Variants in CPQ observed in about 807,000 individuals in gnomAD.
CPQ encodes the protein carboxypeptidase Q.
CPQ carries 37 observed loss-of-function variants against 45.7 expected under a neutral mutation model. That is an observed-to-expected ratio of 0.81 (90% CI 0.62 to 1.07). The LOEUF is 1.07. Among genes scored for constraint, CPQ ranks in the 50% least tolerant of loss-of-function variants. The pLI, the probability that CPQ is intolerant of heterozygous loss-of-function variation, is 0.00. For synonymous variants in CPQ, 186 were observed against 205.8 expected (o/e 0.90, Z 0.82); for missense variants, 537 against 572.9 (o/e 0.94, Z 0.64).
chr8:96,799,783 A>G (rs1586405706), intron 2 of CPQ, among the ~76,000 whole-genome samples: 1 of 152,172 alleles, frequency 6.6e-6, no homozygotes, highest in East Asian at 1.9e-4. Flanking sequence ...TGGGAGGTTC[A>G]TCATCTTGTC....
intron 1 of CPQ, among the ~76,000 whole-genome samples, chr8:96,667,492 G>T (rs960964786): frequency 1.6e-4 from 24 of 151,920 alleles, no homozygotes; most frequent in African/African-American, 5.8e-4. Context: ...GGGATTACAG[G>T]TGTGTGCCAC....
intron 7 of CPQ, among the ~76,000 whole-genome samples, chr8:97,086,860 C>A (rs2130559784): frequency 6.6e-6 from 1 of 152,268 alleles, no homozygotes; most frequent in Admixed American, 6.5e-5. Context: ...AAGAATCCTT[C>A]AGATTGGCTT....
At chr8:96,941,439 G>A (rs1293049096) in intron 4 of CPQ, among the ~76,000 whole-genome samples, 1 of 152,080 alleles carries the variant, frequency 6.6e-6, no homozygotes, top group Non-Finnish European at 1.5e-5. Context: ...ATCAGCTTCA[G>A]ACTTTCAGCT....
chr8:97,098,503 T>C (rs1475601243), intron 7 of CPQ, among the ~76,000 whole-genome samples: 1 of 152,140 alleles, frequency 6.6e-6, no homozygotes. Flanking sequence ...AGTCTGTGTT[T>C]CCAAAAACCT....
intron 4 of CPQ, among the ~76,000 whole-genome samples, chr8:96,922,473 T>C (rs1192526241): frequency 2.0e-5 from 3 of 152,202 alleles, no homozygotes; most frequent in African/African-American, 7.2e-5. Flanking sequence ...GTTTCTCTCT[T>C]TTGGAAGAGA....
chr8:97,044,304 G>A (rs1042624044), intron 6 of CPQ, among the ~76,000 whole-genome samples: 3 of 152,020 alleles, frequency 2.0e-5, no homozygotes, highest in African/African-American at 4.8e-5. Flanking sequence ...CATTCTTCAC[G>A]TAGTTCTTGA....
chr8:97,006,397 A>G (rs1809383900), intron 5 of CPQ, among the ~76,000 whole-genome samples: 3 of 152,196 alleles, frequency 2.0e-5, no homozygotes, highest in South Asian at 4.1e-4. Context: ...AGGCACTCTC[A>G]TACAGGTCTG....
intron 4 of CPQ, among the ~76,000 whole-genome samples, chr8:96,941,463 C>T (rs993497843): frequency 1.2e-4 from 19 of 152,152 alleles, no homozygotes; most frequent in East Asian, 9.6e-4. Flanking sequence ...CATATATTGC[C>T]CTAGTTTGCA....
chr8:97,117,415 A>G (rs1332967223), intron 7 of CPQ, among the ~76,000 whole-genome samples: 1 of 151,594 alleles, frequency 6.6e-6, no homozygotes, highest in Non-Finnish European at 1.5e-5. Context: ...ATTCTAGGAA[A>G]CTCCTCAACC....
chr8:96,918,420 T>G (rs1266541265), intron 4 of CPQ, among the ~76,000 whole-genome samples: 1 of 152,130 alleles, frequency 6.6e-6, no homozygotes, highest in Admixed American at 6.6e-5. Context: ...GTTTGTTTTT[T>G]TAAATCCTGG....
At position 96,784,936 on chromosome 8, in the gene CPQ, C is replaced by T; in HGVS notation, c.39C>T (p.His13=). Residue 13 remains histidine, a synonymous_variant, in exon 2 of 8, where the codon CAC becomes CAT. Transcript: ENST00000220763. ...FLIFAFFGGV[H]LLSLCSGKAI... Reference sequence around the variant, plus strand: ...TCTTCGCATTTTTCGGTGGTGTTCACCTTTTATCCCTGTGCTCTGGGAAAG... The same window carrying T: ...TCTTCGCATTTTTCGGTGGTGTTCATCTTTTATCCCTGTGCTCTGGGAAAG... 1 of 1,613,298 alleles carries T rather than the reference C, an allele frequency of 6.2e-7. No homozygotes were observed. Among genetic ancestry groups the T allele is most frequent in the Non-Finnish European group, 8.5e-7 (1 of 1,179,590 alleles).
rs940799316 is a variant in CPQ at position 96,997,878 on chromosome 8, G to T, written c.962-31525G>T. Among the ~76,000 whole-genome samples the T allele has an allele frequency of 2.4e-4, 37 of 152,072 alleles. 1 individual carries two copies. Among genetic ancestry groups the T allele is most frequent in the African/African-American group, 8.2e-4 (34 of 41,524 alleles). On this transcript the variant is annotated intron_variant, in intron 5 of 7. Coordinates refer to ENST00000220763, the MANE Select transcript of CPQ (RefSeq NM_016134.4). ...GGACAATGAACACTCCCTGGTGCTA[G>T]TTAGCATCCGAATTTGTAAAGTGAG...
intron 1 of CPQ, among the ~76,000 whole-genome samples, chr8:96,721,027 C>T (rs1809755782): frequency 6.6e-6 from 1 of 151,596 alleles, no homozygotes; most frequent in East Asian, 1.9e-4. Context: ...AAATCTCATA[C>T]ATCTTTTATG....
At chr8:97,036,677 C>T (rs1038071215) in intron 6 of CPQ, among the ~76,000 whole-genome samples, 2 of 152,146 alleles carry the variant, frequency 1.3e-5, no homozygotes, top group Non-Finnish European at 2.9e-5. Context: ...GGAGAAAAAA[C>T]ATACCTAGCT....
intron 1 of CPQ, among the ~76,000 whole-genome samples, chr8:96,735,982 C>G (rs751814003): frequency 6.6e-6 from 1 of 152,012 alleles, no homozygotes; most frequent in Non-Finnish European, 1.5e-5. Flanking sequence ...TGGGTCACAC[C>G]GAGATACTGA....
At chr8:96,891,277 G>A (rs747539958) in intron 4 of CPQ, among the ~76,000 whole-genome samples, 3 of 152,142 alleles carry the variant, frequency 2.0e-5, no homozygotes, top group Admixed American at 1.3e-4. Flanking sequence ...TGTCTATTCC[G>A]GTGCAGACAA....
At chr8:96,820,588 T>G (rs1811287772) in intron 2 of CPQ, among the ~76,000 whole-genome samples, 1 of 152,040 alleles carries the variant, frequency 6.6e-6, no homozygotes, top group Non-Finnish European at 1.5e-5. Context: ...CTTGGACTTT[T>G]TCACTTAACA....
At chr8:97,050,020 A>C (rs1345226952) in intron 6 of CPQ, among the ~76,000 whole-genome samples, 4 of 152,190 alleles carry the variant, frequency 2.6e-5, no homozygotes, top group Non-Finnish European at 4.4e-5. Context: ...TCTGTAAGCC[A>C]TATAGCTTCT....
chr8:97,075,588 A>G (rs1288036586), intron 7 of CPQ, among the ~76,000 whole-genome samples: 1 of 133,122 alleles, frequency 7.5e-6, no homozygotes, highest in Non-Finnish European at 1.7e-5. Flanking sequence ...TAAAATTTCT[A>G]AGAAAAATAT....
Sources: allele counts gnomAD v4.1 joint callset (sites outside exome capture counted in the v4.1 genomes callset), GRCh38; gene constraint gnomAD v4.1.1; transcripts MANE v1.5; gene names NCBI Gene and HGNC (gene_info 2026-07-23, HGNC 2026-07-21).